The following SMYD3 variants were observed in gnomAD, a reference collection of about 807,000 sequenced individuals.
SMYD3 encodes histone-lysine N-methyltransferase SMYD3.
SMYD3 carries 36 observed loss-of-function variants against 57.7 expected under a neutral mutation model. The ratio of observed to expected loss-of-function variants is 0.62; its 90% CI spans 0.48 to 0.82. The LOEUF is 0.82. Ranked by LOEUF, SMYD3 falls within the 40% of genes least tolerant of loss-of-function variation. The probability of loss-of-function intolerance (pLI) is 0.00; values close to 1 mark genes in which losing one functional copy is unlikely to be tolerated. For synonymous variants in SMYD3, 211 were observed against 195.0 expected, an observed-to-expected ratio of 1.08 and a Z score of -0.68; for missense variants, 515 against 538.8, an observed-to-expected ratio of 0.96 and a Z score of 0.44.
intron 1 of SMYD3, among the ~76,000 whole-genome samples, chr1:246,370,972 A>G (rs913364690): frequency 2.6e-5 from 4 of 152,250 alleles, no homozygotes; most frequent in Admixed American, 2.6e-4. Context: ...AAGAAGCTCC[A>G]ACTTTAAAGT....
In SMYD3 at chr1:246,308,513, GGA is replaced by G. The variant is rs1203263658; in HGVS notation, c.531+18686_531+18687del. 5.3e-5 allele frequency among the ~76,000 whole-genome samples: 8 copies of G among 152,188 alleles called. No homozygotes were observed. The South Asian group carries it at 1.7e-3, about 32-fold the overall frequency. On this transcript the variant is annotated intron_variant, in intron 5 of 11. Transcript: ENST00000490107. Reference sequence around the variant, plus strand: ...ATATCACAGTGATATAGAGAATGAGGGAGAGAGTTTCGTCCCAGAAGAAGGCC... The same window carrying G: ...ATATCACAGTGATATAGAGAATGAGGGAGAGTTTCGTCCCAGAAGAAGGCC...
chr1:246,375,788 G>A (rs1439642289), intron 1 of SMYD3, among the ~76,000 whole-genome samples: 1 of 152,118 alleles, frequency 6.6e-6, no homozygotes, highest in Non-Finnish European at 1.5e-5. Flanking sequence ...GGAGTGCAGT[G>A]GCATGATCTC....
Position 245,789,407 on chromosome 1 carries a change from C to T in SMYD3, c.1077-25258G>A, listed in dbSNP as rs191264318. 4.6e-5 allele frequency among the ~76,000 whole-genome samples: 7 copies of T among 152,132 alleles called. 1 individual carries two copies. The highest frequency in any genetic ancestry group is 2.6e-4 in the Admixed American group (4 of 15,286). On this transcript the variant is annotated intron_variant, in intron 10 of 11. Transcript: ENST00000490107. ...TCAGGATTTTTAATAGTCTGCAATA[C>T]GGCAAGCTGTAAGCAAGGAAATATT...
intron 5 of SMYD3, among the ~76,000 whole-genome samples, chr1:246,324,416 CAAAAAAAAA>C (rs897518368): frequency 1.1e-3 from 47 of 42,604 alleles, no homozygotes; most frequent in African/African-American, 3.1e-3. Flanking sequence ...AACTCCATCT[CAAAAAAAAA>C]AAAAAAAAAA....
intron 5 of SMYD3, among the ~76,000 whole-genome samples, chr1:246,174,207 T>C (rs1364070387): frequency 6.6e-6 from 1 of 152,214 alleles, no homozygotes; most frequent in Non-Finnish European, 1.5e-5. Flanking sequence ...TTCTTATCAC[T>C]ATCAAGTATT....
chr1:246,498,520 T>C (rs1572059816), intron 1 of SMYD3, among the ~76,000 whole-genome samples: 1 of 151,732 alleles, frequency 6.6e-6, no homozygotes, highest in Non-Finnish European at 1.5e-5. Flanking sequence ...GATCACGAGG[T>C]CAGGAGATCG....
chr1:246,316,413 G>A (rs2065157870), intron 5 of SMYD3, among the ~76,000 whole-genome samples: 1 of 149,748 alleles, frequency 6.7e-6, no homozygotes, highest in Non-Finnish European at 1.5e-5. Context: ...AGGCTGGAGT[G>A]CAATGGCACA....
intron 5 of SMYD3, among the ~76,000 whole-genome samples, chr1:246,047,183 C>T (rs1020505769): frequency 1.3e-5 from 2 of 152,056 alleles, no homozygotes; most frequent in East Asian, 3.9e-4. Context: ...AATGTCCATA[C>T]AGAACAGTAA....
chr1:245,861,282 A>G (rs527536065), intron 9 of SMYD3, among the ~76,000 whole-genome samples: 2 of 152,340 alleles, frequency 1.3e-5, no homozygotes, highest in South Asian at 4.1e-4. Context: ...TACGGAGCTG[A>G]GCTCTAGACC....
intron 3 of SMYD3, 145 bp downstream of exon 3, chr1:246,335,222 T>C (rs978342865): frequency 1.6e-5 from 11 of 698,106 alleles, no homozygotes; most frequent in East Asian, 2.7e-5. Flanking sequence ...GCCAAAAAAT[T>C]TGTGAGACTC....
intron 10 of SMYD3, among the ~76,000 whole-genome samples, chr1:245,810,642 T>C (rs1182801641): frequency 6.6e-6 from 1 of 152,192 alleles, no homozygotes; most frequent in Non-Finnish European, 1.5e-5. Context: ...GAGCAGCAGT[T>C]TCAGGTGTGA....
intron 10 of SMYD3, among the ~76,000 whole-genome samples, chr1:245,835,824 G>A (rs1328074287): frequency 1.3e-5 from 2 of 152,202 alleles, no homozygotes; most frequent in Non-Finnish European, 2.9e-5. Context: ...GGTTTAGCAG[G>A]AGGCCAAGGT....
At chr1:245,920,170 A>G (rs182139951) in intron 7 of SMYD3, among the ~76,000 whole-genome samples, 1,654 of 152,124 alleles carry the variant, frequency 0.011, 28 homozygotes, top group East Asian at 0.087. Context: ...AAAATTAGCC[A>G]GGCGTGGTGG....
chr1:246,269,543 C>CTTTTTTTTT (rs570972296), intron 5 of SMYD3, among the ~76,000 whole-genome samples: 9 of 135,216 alleles, frequency 6.7e-5, no homozygotes, highest in East Asian at 2.2e-4. Flanking sequence ...CTTTTTTTTT[C>CTTTTTTTTT]TTTTTTTTTT....
intron 2 of SMYD3, among the ~76,000 whole-genome samples, chr1:246,354,819 C>T (rs1385249803): frequency 1.3e-5 from 2 of 151,982 alleles, no homozygotes; most frequent in African/African-American, 2.4e-5. Context: ...TAGACATATA[C>T]ACACACACAC....
chr1:246,319,596 T>A (rs1203711601), intron 5 of SMYD3, among the ~76,000 whole-genome samples: 1 of 152,032 alleles, frequency 6.6e-6, no homozygotes, highest in Non-Finnish European at 1.5e-5. Flanking sequence ...CCAACAGAGC[T>A]CATCAACAAA....
At chr1:246,195,603 G>A (rs146640279) in intron 5 of SMYD3, among the ~76,000 whole-genome samples, 1,621 of 149,982 alleles carry the variant, frequency 0.011, 23 homozygotes, top group Non-Finnish European at 0.017. Context: ...ACAAATGTGC[G>A]TGCACGCGCG....
At chr1:246,013,468 C>T (rs1156578753) in intron 5 of SMYD3, among the ~76,000 whole-genome samples, 1 of 152,236 alleles carries the variant, frequency 6.6e-6, no homozygotes, top group African/African-American at 2.4e-5. Flanking sequence ...GCATGAGCCA[C>T]TGCACCTGGC....
At chr1:245,824,003 G>A (rs531713867) in intron 10 of SMYD3, among the ~76,000 whole-genome samples, 1 of 152,280 alleles carries the variant, frequency 6.6e-6, no homozygotes, top group South Asian at 2.1e-4. Flanking sequence ...GACTCTTAAG[G>A]ACCCAAAGGT....
Sources: allele counts gnomAD v4.1 joint callset (sites outside exome capture counted in the v4.1 genomes callset), GRCh38; gene constraint gnomAD v4.1.1; transcripts MANE v1.5; gene names NCBI Gene and HGNC (gene_info 2026-07-23, HGNC 2026-07-21).